The following TAAR1 variants were observed in gnomAD, a reference collection of about 807,000 sequenced individuals.
TAAR1 encodes the protein trace amine associated receptor 1.
TAAR1 carries 1 observed loss-of-function variant against 1.2 expected under a neutral mutation model. The observed-to-expected ratio is 0.81, with a 90% confidence interval of 0.29 to 3.86. TAAR1 has a LOEUF of 3.86. Ranked by LOEUF, TAAR1 falls within the 30% of genes most tolerant of loss-of-function variation. TAAR1 has a pLI of 0.18. For missense variants in TAAR1, 445 were observed against 405.6 expected (o/e 1.10, Z -0.83); for synonymous variants, 153 against 132.2 (o/e 1.16, Z -1.08).
In TAAR1 at chr6:132,645,655, T is replaced by C. The variant is rs748509336; in HGVS notation, c.349A>G (p.Ile117Val). The C allele has an allele frequency of 3.1e-6, 5 of 1,613,570 alleles. No individual in the cohort carries two copies. Among genetic ancestry groups the C allele is most frequent in the Admixed American group, 1.7e-5 (1 of 59,850 alleles). Residue 117 changes from isoleucine to valine, a missense_variant, in exon 2 of 2, where the codon ATC becomes GTC. By Grantham distance (29) the Ile-to-Val change is conservative. Transcript: ENST00000275216. The part of the protein sequence containing the change: ...SSASIFHLSF[I>V]SIDRYYAVCD... ...ACAGCATAGTAGCGGTCAATGGAGA[T>C]GAAAGACAAATGGAAAATGGAGGCT...
At position 132,645,926 on chromosome 6, in the gene TAAR1, C is replaced by T; in HGVS notation, c.78G>A (p.Leu26=). ...NNWSNDVRAS[L]YSLMVLIILT... ...GAATTATGAGCACCATTAAACTGTA[C>T]AGGGAAGCACGGACATCATTTGACC... is the stretch of plus-strand genomic sequence containing the variant. Residue 26 remains leucine (L), a synonymous_variant, in exon 2 of 2, where the codon CTG becomes CTA. Transcript: ENST00000275216. The T allele has an allele frequency of 6.2e-7, 1 of 1,613,332 alleles. No individual in the cohort carries two copies. Among genetic ancestry groups the T allele is most frequent in the Non-Finnish European group, 8.5e-7 (1 of 1,179,568 alleles).
chr6:132,655,999 G>T (rs1044786343), intron 1 of TAAR1, among the ~76,000 whole-genome samples: 1 of 152,124 alleles, frequency 6.6e-6, no homozygotes, highest in African/African-American at 2.4e-5. Context: ...AAGAAGCAGG[G>T]GAAATCGAAC....
At chr6:132,658,997 T>C (rs930698522) in intron 1 of TAAR1, among the ~76,000 whole-genome samples, 133 bp downstream of exon 1, 2 of 152,222 alleles carry the variant, frequency 1.3e-5, no homozygotes, top group Non-Finnish European at 2.9e-5. Flanking sequence ...TAATCCTAAA[T>C]TTTAACAGAT....
chr6:132,649,256 T>C (rs1777721152), intron 1 of TAAR1, among the ~76,000 whole-genome samples: 1 of 152,174 alleles, frequency 6.6e-6, no homozygotes, highest in African/African-American at 2.4e-5. Context: ...TTAAATCTGC[T>C]TCCCACTCTT....
chr6:132,653,043 A>T (rs978350310), intron 1 of TAAR1, among the ~76,000 whole-genome samples: 7 of 152,138 alleles, frequency 4.6e-5, no homozygotes, highest in Admixed American at 1.3e-4. Context: ...TAATGAACAA[A>T]GCCTAGGGGA....
rs1394649827 is a variant in TAAR1, at chr6:132,644,429, G to C, written c.*555C>G. Among the ~76,000 whole-genome samples, 1 of 151,210 alleles carries C rather than the reference G, an allele frequency of 6.6e-6. No homozygotes were observed. The highest frequency in any genetic ancestry group is 1.5e-5 in the Non-Finnish European group (1 of 67,752). ...CCTTTATTTTTCAAATTTCTTAGAA[G>C]CATGAGAATCAGAAAAACATAATTT... On this transcript the variant is annotated 3_prime_UTR_variant, in exon 2 of 2. Transcript: ENST00000275216.
At chr6:132,656,476 G>A (rs963294065) in intron 1 of TAAR1, among the ~76,000 whole-genome samples, 6 of 152,162 alleles carry the variant, frequency 3.9e-5, no homozygotes, top group African/African-American at 1.4e-4. Context: ...GATGTCAGAA[G>A]GGAATGGCAT....
Position 132,645,396 on chromosome 6 carries a change from C to T in TAAR1, c.608G>A (p.Gly203Glu), listed in dbSNP as rs1562201852. Residue 203 changes from glycine to glutamate, a missense_variant, in exon 2 of 2, where the codon GGA becomes GAA. Coordinates refer to ENST00000275216, the MANE Select transcript of TAAR1 (RefSeq NM_138327.4). ...LTFMTSFYIP[G>E]SIMLCVYYRI... ...GTAATAGACACATAACATAATAGAT[C>T]CAGGTATATAAAAAGAAGTCATAAA... 1.9e-6 allele frequency: 3 copies of T among 1,613,394 alleles called. No individual in the cohort carries two copies. In the East Asian group the frequency reaches 6.7e-5, roughly 36 times the overall value.
Position 132,645,618 on chromosome 6 carries a change from A to G in TAAR1, c.386T>C (p.Leu129Pro), listed in dbSNP as rs139772127. The G allele has an allele frequency of 4.5e-5, 73 of 1,613,424 alleles. No homozygotes were observed. The highest frequency in any genetic ancestry group is 5.8e-5 in the Non-Finnish European group (69 of 1,179,686). Residue 129 changes from leucine (L) to proline (P), a missense_variant, in exon 2 of 2, where the codon CTG (leucine) becomes CCG (proline). By Grantham distance (98) the Leu-to-Pro change is moderately conservative. Coordinates refer to ENST00000275216, the MANE Select transcript of TAAR1 (RefSeq NM_138327.4). ...IDRYYAVCDP[L>P]RYKAKMNILV... ...GATATTCATCTTGGCTTTATATCTC[A>G]GTGGATCACACACAGCATAGTAGCG...
chr6:132,649,342 T>C (rs965021169), intron 1 of TAAR1, among the ~76,000 whole-genome samples: 3 of 152,198 alleles, frequency 2.0e-5, no homozygotes, highest in Non-Finnish European at 4.4e-5. Flanking sequence ...TTTTCTTTCC[T>C]ACATTCCTTG....
intron 1 of TAAR1, among the ~76,000 whole-genome samples, chr6:132,646,521 A>G (rs375412063): frequency 6.6e-4 from 100 of 152,294 alleles, no homozygotes; most frequent in African/African-American, 2.4e-3. Flanking sequence ...TATGAAAAAG[A>G]CAAGAAGTCT....
intron 1 of TAAR1, among the ~76,000 whole-genome samples, chr6:132,648,143 T>C (rs9389022): frequency 0.17 from 26,365 of 152,154 alleles, 2,805 homozygotes; most frequent in East Asian, 0.33. Context: ...AATTTAAGTT[T>C]GCATTTAACT....
At chr6:132,647,634 AAGAAAGAAAGAAAGAAAG>A (rs1408629132) in intron 1 of TAAR1, among the ~76,000 whole-genome samples, 3 of 109,622 alleles carry the variant, frequency 2.7e-5, no homozygotes, top group African/African-American at 1.5e-4. Flanking sequence ...GAAAGAAAGA[AAGAAAGAAAGAAAGAAAG>A]AAAGAAAGAA....
At position 132,646,814 on chromosome 6, in the gene TAAR1, C is replaced by A. The variant is rs114532811; in HGVS notation, c.-126-685G>T. On this transcript the variant is annotated intron_variant, in intron 1 of 1. Transcript: ENST00000275216. ...AGAAATTGAAGTTTAATTCACAAAT[C>A]ATTAAAGCTTGAATATGAGCTGTGG... 9.4e-3 allele frequency among the ~76,000 whole-genome samples: 1,427 copies of A among 152,258 alleles called. 27 individuals carry two copies. The highest frequency in any genetic ancestry group is 0.031 in the African/African-American group (1,288 of 41,568).
rs1777638406 is a variant in TAAR1 at position 132,644,592 on chromosome 6, T to G, written c.*392A>C. 6.6e-6 allele frequency among the ~76,000 whole-genome samples: 1 copy of G among 152,078 alleles called. No individual in the cohort carries two copies. Among genetic ancestry groups the G allele is most frequent in the African/African-American group, 2.4e-5 (1 of 41,428 alleles). ...TTTTACTAAAAGACTTATACACATA[T>G]GTGACCAGGACATGTATACGTATAT... On this transcript the variant is annotated 3_prime_UTR_variant, in exon 2 of 2. Coordinates refer to ENST00000275216, the MANE Select transcript of TAAR1 (RefSeq NM_138327.4).
chr6:132,644,063 G>C lies in TAAR1; in HGVS notation c.*921C>G, dbSNP rs1005972239. Among the ~76,000 whole-genome samples, 2 of 151,862 alleles carry C rather than the reference G, an allele frequency of 1.3e-5. No individual in the cohort carries two copies. Among genetic ancestry groups the C allele is most frequent in the Non-Finnish European group, 2.9e-5 (2 of 67,910 alleles). ...TTCTAGACATTTTCATGACTTCAGT[G>C]GCAGGTAAAAAGCAGGAATTTCATT... On this transcript the variant is annotated 3_prime_UTR_variant, in exon 2 of 2. Transcript: ENST00000275216.
In TAAR1 at chr6:132,645,181, G is replaced by T. The variant is rs752052018; in HGVS notation, c.823C>A (p.Pro275Thr). 3.7e-6 allele frequency: 6 copies of T among 1,611,690 alleles called. No homozygotes were observed. The highest frequency in any genetic ancestry group is 2.2e-5 in the East Asian group (1 of 44,852). Residue 275 changes from proline to threonine, a missense_variant, in exon 2 of 2, where the codon CCT becomes ACT. Pro to Thr is a conservative substitution (Grantham distance 38). Coordinates refer to ENST00000275216, the MANE Select transcript of TAAR1 (RefSeq NM_138327.4). ...GGTGGAATAATGTAGTGAAGAAAAG[G>T]GTCCATGACTGTACAGATAAAGAAA... The part of the protein sequence containing the change: ...CPFFICTVMD[P>T]FLHYIIPPTL...
In TAAR1 at chr6:132,645,553, G is replaced by T; in HGVS notation, c.451C>A (p.Pro151Thr). 6.2e-7 allele frequency: 1 copy of T among 1,613,354 alleles called. No homozygotes were observed. Among genetic ancestry groups the T allele is most frequent in the Non-Finnish European group, 8.5e-7 (1 of 1,179,734 alleles). The change falls in exon 2 of 2, where the codon CCT becomes ACT. Residue 151 changes from proline (P) to threonine (T), a missense_variant. By Grantham distance (38) the Pro-to-Thr change is conservative (BLOSUM62 -1). Transcript: ENST00000275216. ...CVMIFISWSV[P>T]AVFAFGMIFL... ...ATCATTCCAAATGCAAAAACAGCAG[G>T]GACACTCCAACTAATGAAGATCATC...
At chr6:132,648,462 T>C (rs1212246420) in intron 1 of TAAR1, among the ~76,000 whole-genome samples, 2 of 152,150 alleles carry the variant, frequency 1.3e-5, no homozygotes, top group Admixed American at 1.3e-4. Flanking sequence ...ATCTGGCAAA[T>C]TCATAGGCCT....
Sources: gnomAD v4.1 joint callset for allele counts (sites outside exome capture counted in the v4.1 genomes callset) on GRCh38, gnomAD v4.1.1 for gene constraint, MANE v1.5 for transcripts, NCBI Gene and HGNC (gene_info 2026-07-23, HGNC 2026-07-21) for gene names.